Variants in COL5A1 observed in about 807,000 individuals in gnomAD.
COL5A1 encodes collagen type V alpha 1 chain.
Under a neutral mutation model 263.7 loss-of-function variants are expected in COL5A1, and 16 were observed. That is an observed-to-expected ratio of 0.06 (90% confidence interval 0.04 to 0.09). COL5A1 has a LOEUF of 0.09. COL5A1 is among the 10% of genes least tolerant of loss of function. The probability of loss-of-function intolerance (pLI) is 1.00; values close to 1 mark genes in which losing one functional copy is unlikely to be tolerated. For synonymous variants in COL5A1, 1,012 were observed against 1,004.5 expected, an observed-to-expected ratio of 1.01 and a Z score of -0.14; for missense variants, 2,036 against 2,540.5, an observed-to-expected ratio of 0.80 and a Z score of 4.27.
chr9:134,700,034 T>A lies in COL5A1; in HGVS notation c.403T>A (p.Ser135Thr). The A allele has an allele frequency of 6.2e-7, 1 of 1,613,516 alleles. No homozygotes were observed. The highest frequency in any genetic ancestry group is 8.5e-7 in the Non-Finnish European group (1 of 1,180,010). The change falls in exon 3 of 66, where the codon TCT becomes ACT. Residue 135 changes from serine to threonine, a missense_variant. Coordinates refer to ENST00000371817, the MANE Select transcript of COL5A1 (RefSeq NM_000093.5). The surrounding 1 kb of genome is among the most constrained non-coding windows in gnomAD (Gnocchi z 4.0). ...IQQIGLELGR[S>T]PVFLYEDHTG... is the part of the protein sequence containing the mutation. ...GCAGATTGGGCTGGAGCTGGGCCGC[T>A]CTCCCGTCTTCCTCTACGAGGACCA...
At chr9:134,715,689 G>C (rs896057527) in intron 4 of COL5A1, among the ~76,000 whole-genome samples, 5 of 152,210 alleles carry the variant, frequency 3.3e-5, no homozygotes, top group African/African-American at 1.2e-4. Flanking sequence ...GTTTAACAAA[G>C]CACATCCTGC....
At chr9:134,753,777 G>GGCC in intron 14 of COL5A1, 73 bp from the exon 15 acceptor site, 2 of 622,726 alleles carry the variant, frequency 3.2e-6, no homozygotes, top group Non-Finnish European at 2.8e-6. Flanking sequence ...CCCCTCCCCT[G>GGCC]CCACCCCCAG....
intron 11 of COL5A1, among the ~76,000 whole-genome samples, chr9:134,746,577 T>C (rs920590050): frequency 1.8e-4 from 27 of 152,210 alleles, no homozygotes; most frequent in Non-Finnish European, 3.1e-4. Context: ...GCAAAGGACG[T>C]CTGGACGTCC....
At chr9:134,703,785 C>G (rs1353581115) in intron 4 of COL5A1, among the ~76,000 whole-genome samples, 1 of 151,894 alleles carries the variant, frequency 6.6e-6, no homozygotes, top group Non-Finnish European at 1.5e-5. Flanking sequence ...CTACAGGCGC[C>G]CGCCACCACA....
At chr9:134,819,786 G>A (rs1838919620) in intron 57 of COL5A1, among the ~76,000 whole-genome samples, 1 of 152,220 alleles carries the variant, frequency 6.6e-6, no homozygotes, top group South Asian at 2.1e-4. Flanking sequence ...CAGGCGTTCG[G>A]ATTTGCCATA....
intron 64 of COL5A1, among the ~76,000 whole-genome samples, chr9:134,832,415 A>AG (rs373649500): frequency 6.6e-6 from 1 of 152,148 alleles, no homozygotes; most frequent in Non-Finnish European, 1.5e-5. Flanking sequence ...CCAAAAAAAA[A>AG]GAAAGAAAAA....
intron 5 of COL5A1, among the ~76,000 whole-genome samples, chr9:134,727,668 G>A (rs3128587): frequency 6.6e-6 from 1 of 151,960 alleles, no homozygotes; most frequent in African/African-American, 2.4e-5. Flanking sequence ...GCTCTCTCAC[G>A]CTTGGGCTTG....
chr9:134,794,983 C>A lies in COL5A1; in HGVS notation c.2701-99C>A. On this transcript the variant is annotated intron_variant, in intron 32 of 65. Transcript: ENST00000371817. This position sits in a 1 kb window ranked among gnomAD's most constrained non-coding sequence, Gnocchi z 4.3. ...GGAGGCCCAGGTTCCTCCTATCCTG[C>A]TCTGAATTCACAGTCTCTCAATAAC... 7.3e-7 allele frequency: 1 copy of A among 1,368,160 alleles called. No homozygotes were observed. The highest frequency in any genetic ancestry group is 1.0e-6 in the Non-Finnish European group (1 of 962,498). The allele number at this position is 1,368,160 out of a possible 1,614,324, so 84.8% of individuals were successfully genotyped here.
chr9:134,738,417 C>G, intron 9 of COL5A1, 57 bp from the exon 10 acceptor site: 3 of 1,602,414 alleles, frequency 1.9e-6, no homozygotes, highest in Non-Finnish European at 2.6e-6. Context: ...CCACTGGGGT[C>G]TGGGGTGTCG....
rs145991626 is a variant in COL5A1, at chr9:134,723,031, G to A, written c.655-4235G>A. 4.4e-3 allele frequency among the ~76,000 whole-genome samples: 677 copies of A among 152,282 alleles called. 2 individuals are homozygous for A. Among genetic ancestry groups the A allele is most frequent in the Non-Finnish European group, 6.9e-3 (470 of 68,018 alleles). ...TCTCAGGGGCAGGGGGCAGCAGCAG[G>A]TAGCTGTCCTCGGTCACTCCCCGTC... is the stretch of plus-strand genomic sequence containing the variant. On this transcript the variant is annotated intron_variant, in intron 4 of 65. Transcript: ENST00000371817.
intron 28 of COL5A1, among the ~76,000 whole-genome samples, chr9:134,781,344 C>T (rs1014302205): frequency 3.9e-5 from 6 of 152,276 alleles, no homozygotes; most frequent in African/African-American, 1.4e-4. Flanking sequence ...AAGTCCTCAT[C>T]CGGGAAAGCT....
intron 18 of COL5A1, among the ~76,000 whole-genome samples, chr9:134,759,860 ACACT>A (rs1321849243): frequency 3.7e-5 from 1 of 27,366 alleles, no homozygotes. Context: ...CCACACCCCC[ACACT>A]CACACATGCA....
intron 27 of COL5A1, 102 bp downstream of exon 27, chr9:134,775,014 C>A (rs1837002364): frequency 9.1e-7 from 1 of 1,100,910 alleles, no homozygotes; most frequent in Non-Finnish European, 1.4e-6. Flanking sequence ...GTTTAATGTC[C>A]CTGCTATTCA....
intron 1 of COL5A1, among the ~76,000 whole-genome samples, chr9:134,657,620 G>A (rs1419427998): frequency 2.1e-5 from 2 of 97,376 alleles, no homozygotes; most frequent in Admixed American, 1.2e-4. Flanking sequence ...GTAGTTTATA[G>A]ATAATATGGG....
chr9:134,698,350 C>T (rs1206457788), intron 2 of COL5A1, among the ~76,000 whole-genome samples: 2 of 152,268 alleles, frequency 1.3e-5, no homozygotes, highest in Admixed American at 6.5e-5. Context: ...GCCCTGTTCC[C>T]TGTCAGTGCC....
chr9:134,791,030 G>A (rs958143970), intron 32 of COL5A1, among the ~76,000 whole-genome samples: 9 of 152,136 alleles, frequency 5.9e-5, no homozygotes, highest in East Asian at 3.9e-4. Context: ...CCCCTCATGC[G>A]TCTCAGCCTC....
At chr9:134,702,004 C>G (rs570911497) in intron 4 of COL5A1, among the ~76,000 whole-genome samples, 1 of 152,308 alleles carries the variant, frequency 6.6e-6, no homozygotes, top group African/African-American at 2.4e-5. Flanking sequence ...TGCAGGTGAC[C>G]AGTGATCCCC....
Position 134,782,729 on chromosome 9 carries a change from C to T in COL5A1, c.2484+9C>T, listed in dbSNP as rs758851136. 9 of 1,613,158 alleles carry T rather than the reference C, an allele frequency of 5.6e-6. No homozygotes were observed. In the South Asian group the frequency reaches 8.8e-5, roughly 16 times the overall value. On this transcript the variant is annotated intron_variant, in intron 29 of 65. Coordinates refer to ENST00000371817, the MANE Select transcript of COL5A1 (RefSeq NM_000093.5). ...GCATCAAGGGTGATCGGGTGAGCAT[C>T]TCAGGTTTGGGATTTGGGCTGGGGA...
chr9:134,826,042 T>A, intron 63 of COL5A1, 138 bp downstream of exon 63: 1 of 589,220 alleles, frequency 1.7e-6, no homozygotes, highest in Non-Finnish European at 3.1e-6. Flanking sequence ...AGTGAAACTG[T>A]TCTTTCAGAA....
Sources: gnomAD v4.1 joint callset for allele counts (sites outside exome capture counted in the v4.1 genomes callset) on GRCh38, gnomAD v4.1.1 for gene constraint, Gnocchi (gnomAD v3.1) non-coding constraint, MANE v1.5 for transcripts, NCBI Gene and HGNC (gene_info 2026-07-23, HGNC 2026-07-21) for gene names.